NR5A1: variants seen among roughly 807,000 people sequenced by gnomAD.
NR5A1 encodes the protein steroidogenic factor 1.
Under a neutral mutation model 42.7 loss-of-function variants are expected in NR5A1, and 6 were observed. The ratio of observed to expected loss-of-function variants is 0.14; its 90% CI spans 0.08 to 0.28. The LOEUF is 0.28. Ranked by LOEUF, NR5A1 falls within the 10% of genes least tolerant of loss-of-function variation. The probability of loss-of-function intolerance (pLI) is 1.00; values close to 1 mark genes in which losing one functional copy is unlikely to be tolerated. For synonymous variants in NR5A1, 274 were observed against 277.5 expected (o/e 0.99, Z 0.12); for missense variants, 442 against 626.4 (o/e 0.71, Z 3.14).
rs1832441395 is a variant in NR5A1, at chr9:124,500,049, G to T, written c.870+41C>A. ...GGGCTAAGGCTTGGGCAGCCGGGAG[G>T]ACCATGATGCAGGGCCAGCCGGGCG... On this transcript the variant is annotated intron_variant, in intron 4 of 6. Coordinates refer to ENST00000373588, the MANE Select transcript of NR5A1 (RefSeq NM_004959.5). The surrounding 1 kb of genome is among the most constrained non-coding windows in gnomAD (Gnocchi z 6.9). 6.2e-6 allele frequency: 10 copies of T among 1,612,902 alleles called. No homozygotes were observed. The highest frequency in any genetic ancestry group is 8.5e-6 in the Non-Finnish European group (10 of 1,179,946).
chr9:124,500,355 G>A lies in NR5A1; in HGVS notation c.605C>T (p.Ala202Val), dbSNP rs867263463. The change falls in exon 4 of 7, where the codon GCC (alanine) becomes GTC (valine). Residue 202 changes from alanine (A) to valine (V), a missense_variant. This residue lies in a region of NR5A1 where 208 missense variants were observed against 203.8 expected (regional missense o/e 1.02). Coordinates refer to ENST00000373588, the MANE Select transcript of NR5A1 (RefSeq NM_004959.5). This position sits in a 1 kb window ranked among gnomAD's most constrained non-coding sequence, Gnocchi z 6.9. ...CGGCAGCCCAGGCTGTGGGGGGCTGGCATAAGGCTCCGGGTACTCAGACTT... is the reference window on the plus strand; with the variant it reads ...CGGCAGCCCAGGCTGTGGGGGGCTGACATAAGGCTCCGGGTACTCAGACTT... ...AIKSEYPEPY[A>V]SPPQPGLPYG... 1.3e-6 allele frequency: 2 copies of A among 1,556,268 alleles called. No homozygotes were observed. The highest frequency in any genetic ancestry group is 1.7e-6 in the Non-Finnish European group (2 of 1,150,356).
intron 4 of NR5A1, among the ~76,000 whole-genome samples, chr9:124,499,364 G>T (rs1297145340): frequency 1.3e-5 from 2 of 152,214 alleles, no homozygotes; most frequent in Non-Finnish European, 1.5e-5. Context: ...ATAGAGGAAG[G>T]CTGCCTCGCC....
At chr9:124,486,024 G>A (rs1334261320) in intron 6 of NR5A1, among the ~76,000 whole-genome samples, 3 of 152,168 alleles carry the variant, frequency 2.0e-5, no homozygotes, top group Non-Finnish European at 4.4e-5. Flanking sequence ...AGGGGCGGGA[G>A]GGGGCTGGGG....
intron 1 of NR5A1, among the ~76,000 whole-genome samples, chr9:124,505,308 G>A (rs1011151983): frequency 6.6e-6 from 1 of 152,220 alleles, no homozygotes; most frequent in Non-Finnish European, 1.5e-5. Context: ...AATGCCACGC[G>A]GGTGGCTGGT....
At chr9:124,495,632 G>A (rs544461092) in intron 4 of NR5A1, among the ~76,000 whole-genome samples, 89 of 152,258 alleles carry the variant, frequency 5.8e-4, no homozygotes, top group Admixed American at 1.5e-3. Context: ...CCCGCCCCTC[G>A]CAGGCCCACA....
intron 6 of NR5A1, among the ~76,000 whole-genome samples, chr9:124,484,190 G>A (rs886777896): frequency 3.3e-5 from 5 of 152,128 alleles, no homozygotes; most frequent in African/African-American, 1.2e-4. Context: ...TGCTTTCTGC[G>A]GAATGCATGT....
rs1486663359 is a variant in NR5A1, at chr9:124,498,572, G to C, written c.870+1518C>G. Among the ~76,000 whole-genome samples, 1 of 152,236 alleles carries C rather than the reference G, an allele frequency of 6.6e-6. No homozygotes were observed. Among genetic ancestry groups the C allele is most frequent in the Admixed American group, 6.5e-5 (1 of 15,294 alleles). ...CCTGCTCCTCCTCCCCTCTGCACGG[G>C]GGGTGCATGGGAAGTCTGGAGGGAA... On this transcript the variant is annotated intron_variant, in intron 4 of 6. Transcript: ENST00000373588. The surrounding 1 kb of genome is among the most constrained non-coding windows in gnomAD (Gnocchi z 4.6).
intron 6 of NR5A1, among the ~76,000 whole-genome samples, chr9:124,484,549 G>A (rs561315135): frequency 3.9e-5 from 6 of 152,172 alleles, no homozygotes; most frequent in South Asian, 4.2e-4. Context: ...TCAGGAGTTC[G>A]AGACCAGCCT....
At chr9:124,487,060 C>A (rs1042962857) in intron 6 of NR5A1, among the ~76,000 whole-genome samples, 6 of 152,216 alleles carry the variant, frequency 3.9e-5, no homozygotes, top group African/African-American at 1.4e-4. Context: ...GGAGCCTGCG[C>A]CCCCCAAGCC....
chr9:124,489,189 C>T (rs1013039963), intron 6 of NR5A1, among the ~76,000 whole-genome samples: 18 of 152,238 alleles, frequency 1.2e-4, no homozygotes, highest in Non-Finnish European at 2.5e-4. Flanking sequence ...CAGGGGACAC[C>T]CAAGGACAGA....
chr9:124,490,579 T>C (rs1832292562), intron 6 of NR5A1, among the ~76,000 whole-genome samples: 1 of 152,066 alleles, frequency 6.6e-6, no homozygotes, highest in Non-Finnish European at 1.5e-5. Context: ...GGAACCTACG[T>C]CTTACTAATC....
In NR5A1 at chr9:124,504,310, C is replaced by G. The variant is rs189502199; in HGVS notation, c.-15-900G>C. Among the ~76,000 whole-genome samples the G allele has an allele frequency of 8.4e-3, 1,282 of 152,222 alleles. 12 individuals carry two copies. Among genetic ancestry groups the G allele is most frequent in the Non-Finnish European group, 0.013 (881 of 67,982 alleles). On this transcript the variant is annotated intron_variant, in intron 1 of 6. Coordinates refer to ENST00000373588, the MANE Select transcript of NR5A1 (RefSeq NM_004959.5). ...GGACAGGGGACGCGCGGAAACCTGC[C>G]GGGCAGGAGCCCAAGCGCCAAGGCG...
At chr9:124,484,472 C>T (rs7869042) in intron 6 of NR5A1, among the ~76,000 whole-genome samples, 61,681 of 151,826 alleles carry the variant, frequency 0.41, 13,787 homozygotes, top group Non-Finnish European at 0.51. Flanking sequence ...GCTTGTTGGC[C>T]GGGCGTAGTG....
chr9:124,502,710 G>A (rs1042032202), intron 3 of NR5A1, among the ~76,000 whole-genome samples: 17 of 152,340 alleles, frequency 1.1e-4, no homozygotes, highest in South Asian at 1.0e-3. Context: ...CTGACAGTGC[G>A]GGCACTGGGA....
chr9:124,503,536 C>A lies in NR5A1; in HGVS notation c.-15-126G>T. ...CCCTCTCTGTGCCCAGGCGCTGCCG[C>A]CGGCACCCACCGAGCGCCCCGCGCA... On this transcript the variant is annotated intron_variant, in intron 1 of 6. Transcript: ENST00000373588. This position sits in a 1 kb window ranked among gnomAD's most constrained non-coding sequence, Gnocchi z 9.6. 1.4e-6 allele frequency: 1 copy of A among 690,036 alleles called. No individual in the cohort carries two copies. Among genetic ancestry groups the A allele is most frequent in the Non-Finnish European group, 2.2e-6 (1 of 452,480 alleles). 42.7% of individuals were successfully genotyped at this position (690,036 alleles called of 1,614,324 possible).
intron 6 of NR5A1, among the ~76,000 whole-genome samples, chr9:124,485,371 C>T (rs1832191828): frequency 1.3e-5 from 2 of 152,184 alleles, no homozygotes; most frequent in African/African-American, 2.4e-5. Flanking sequence ...CCCTAATCCC[C>T]CTTAACACCC....
intron 3 of NR5A1, among the ~76,000 whole-genome samples, chr9:124,502,545 T>C (rs1471797557): frequency 6.6e-6 from 1 of 152,120 alleles, no homozygotes; most frequent in African/African-American, 2.4e-5. Context: ...CCCAGGCTGG[T>C]CTTAAACTTC....
chr9:124,490,550 T>C (rs1412472847), intron 6 of NR5A1, among the ~76,000 whole-genome samples: 2 of 152,198 alleles, frequency 1.3e-5, no homozygotes, highest in African/African-American at 4.8e-5. Context: ...TTCCTGGCTA[T>C]GCCTGCCTAA....
intron 4 of NR5A1, 127 bp downstream of exon 4, chr9:124,499,963 T>G: frequency 7.1e-7 from 1 of 1,416,864 alleles, no homozygotes; most frequent in Non-Finnish European, 9.9e-7. Context: ...CAGGGTGGCC[T>G]CCGGGTCCCC....
Sources: gnomAD v4.1 joint callset for allele counts (sites outside exome capture counted in the v4.1 genomes callset) on GRCh38, gnomAD v4.1.1 for gene constraint, gnomAD v4.1.1 regional missense constraint, Gnocchi (gnomAD v3.1) non-coding constraint, MANE v1.5 for transcripts, NCBI Gene and HGNC (gene_info 2026-07-23, HGNC 2026-07-21) for gene names.